The following ARRB1 variants were observed in gnomAD, a reference collection of about 807,000 sequenced individuals.
ARRB1 encodes the protein beta-arrestin-1.
A neutral mutation model predicts 56.8 loss-of-function variants in ARRB1; 21 were observed. The observed-to-expected ratio is 0.37, with a 90% confidence interval of 0.26 to 0.53. ARRB1 has a LOEUF of 0.53. Ranked by LOEUF, ARRB1 falls within the 20% of genes least tolerant of loss-of-function variation. The pLI is 0.88. For synonymous variants in ARRB1, 210 were observed against 218.6 expected, an observed-to-expected ratio of 0.96 and a Z score of 0.35; for missense variants, 424 against 553.7, an observed-to-expected ratio of 0.77 and a Z score of 2.35.
At chr11:75,280,700 G>A (rs891402289) in intron 7 of ARRB1, among the ~76,000 whole-genome samples, 1 of 152,256 alleles carries the variant, frequency 6.6e-6, no homozygotes, top group African/African-American at 2.4e-5. Context: ...CCTCCCAGGA[G>A]GAAAACTGGA....
chr11:75,316,759 AT>A (rs908134368), intron 1 of ARRB1, among the ~76,000 whole-genome samples: 10 of 151,708 alleles, frequency 6.6e-5, no homozygotes, highest in South Asian at 2.1e-4. Flanking sequence ...CTTTAAAAAA[AT>A]TTTTTTTTAA....
chr11:75,310,013 T>C (rs1051735318), intron 1 of ARRB1, among the ~76,000 whole-genome samples: 4 of 152,164 alleles, frequency 2.6e-5, no homozygotes, highest in Admixed American at 1.3e-4. Context: ...GGAACGGTGC[T>C]GGCCCTCTTA....
rs77631747 is a variant in ARRB1, at chr11:75,321,835, C to T, written c.20+29753G>A. Among the ~76,000 whole-genome samples, 9 of 152,298 alleles carry T rather than the reference C, an allele frequency of 5.9e-5. No homozygotes were observed. The East Asian group carries it at 1.5e-3, about 26-fold the overall frequency. On this transcript the variant is annotated intron_variant, in intron 1 of 15. Transcript: ENST00000420843. ...TTGTGTGTCAGATGCTGTTGGCCAT[C>T]AGACATATGGTGAATAGGGCAGATT...
At chr11:75,274,791 C>CAA (rs1158322521) in intron 10 of ARRB1, 15 of 61,034 alleles carry the variant, frequency 2.5e-4, no homozygotes, top group Non-Finnish European at 3.6e-4. Context: ...GACTCCATCT[C>CAA]AAAAAAAAAA....
chr11:75,312,329 A>G (rs2140484457), intron 1 of ARRB1, among the ~76,000 whole-genome samples: 2 of 152,310 alleles, frequency 1.3e-5, no homozygotes, highest in South Asian at 4.1e-4. Context: ...TGACCGCCGA[A>G]GGGACAGTCT....
intron 1 of ARRB1, among the ~76,000 whole-genome samples, chr11:75,295,221 C>CAA (rs34666904): frequency 0.011 from 793 of 72,816 alleles, 13 homozygotes; most frequent in African/African-American, 0.034. Context: ...AACCCTGTCT[C>CAA]AAAAAAAAAA....
chr11:75,332,887 T>C (rs984452429), intron 1 of ARRB1, among the ~76,000 whole-genome samples: 2 of 151,258 alleles, frequency 1.3e-5, no homozygotes, highest in African/African-American at 4.9e-5. Flanking sequence ...AGAGTGAGAC[T>C]CCATCTCAAA....
At chr11:75,271,622 T>G in intron 13 of ARRB1, 79 bp downstream of exon 13, 1 of 1,443,010 alleles carries the variant, frequency 6.9e-7, no homozygotes, top group Non-Finnish European at 9.4e-7. Flanking sequence ...CCCAGTGCCC[T>G]GTGATTCTGG....
chr11:75,274,233 G>A (rs758784238), intron 10 of ARRB1, 22 bp from the exon 11 acceptor site: 4 of 1,613,068 alleles, frequency 2.5e-6, no homozygotes, highest in Non-Finnish European at 3.4e-6. Context: ...GGAAGCAGCT[G>A]TGGAGATGGC....
At chr11:75,306,684 G>T in intron 1 of ARRB1, 1 of 1,279,154 alleles carries the variant, frequency 7.8e-7, no homozygotes, top group Non-Finnish European at 1.0e-6. Flanking sequence ...CCAGGCCAGG[G>T]CCAGCCCCGC....
chr11:75,323,389 C>T (rs748382087), intron 1 of ARRB1, among the ~76,000 whole-genome samples: 20 of 152,136 alleles, frequency 1.3e-4, no homozygotes, highest in Non-Finnish European at 2.5e-4. Context: ...GAGGCCGAGG[C>T]GGGTGGATCA....
intron 1 of ARRB1, among the ~76,000 whole-genome samples, chr11:75,331,915 G>A (rs1325755252): frequency 1.3e-5 from 2 of 151,982 alleles, no homozygotes; most frequent in African/African-American, 4.8e-5. Flanking sequence ...CGGATGGCCT[G>A]AGGCAACTGA....
chr11:75,266,895 C>G (rs1945932658), intron 15 of ARRB1, among the ~76,000 whole-genome samples: 1 of 152,158 alleles, frequency 6.6e-6, no homozygotes, highest in Non-Finnish European at 1.5e-5. Context: ...GGCAGAGGAC[C>G]TGTTCGTGAG....
chr11:75,288,529 GACC>G (rs1246905966), intron 2 of ARRB1, among the ~76,000 whole-genome samples: 1 of 151,980 alleles, frequency 6.6e-6, no homozygotes, highest in Non-Finnish European at 1.5e-5. Context: ...CTCCTGCCTA[GACC>G]ACCACACCAG....
At chr11:75,324,891 C>G (rs573791807) in intron 1 of ARRB1, among the ~76,000 whole-genome samples, 81 of 152,224 alleles carry the variant, frequency 5.3e-4, no homozygotes, top group African/African-American at 1.9e-3. Context: ...CACCCCTGTC[C>G]CTGGGAGAAA....
intron 1 of ARRB1, among the ~76,000 whole-genome samples, chr11:75,298,938 T>C (rs1946829293): frequency 6.6e-6 from 1 of 151,862 alleles, no homozygotes; most frequent in Non-Finnish European, 1.5e-5. Flanking sequence ...GTTAATTATG[T>C]TAATTTAACA....
chr11:75,338,162 G>A (rs976245859), intron 1 of ARRB1, among the ~76,000 whole-genome samples: 1 of 152,166 alleles, frequency 6.6e-6, no homozygotes, highest in Non-Finnish European at 1.5e-5. Flanking sequence ...AGGGCCTCCA[G>A]TGCCACCTAG....
At chr11:75,292,450 T>C (rs1265431073) in intron 1 of ARRB1, among the ~76,000 whole-genome samples, 1 of 152,202 alleles carries the variant, frequency 6.6e-6, no homozygotes, top group Non-Finnish European at 1.5e-5. Context: ...TTCCTTCTCA[T>C]AAATATTTAT....
chr11:75,284,348 C>A, intron 3 of ARRB1, 69 bp from the exon 4 acceptor site: 1 of 1,450,944 alleles, frequency 6.9e-7, no homozygotes. Context: ...CCCCAAACAC[C>A]AGCCCAAGCC....
Sources: gnomAD v4.1 joint callset for allele counts (sites outside exome capture counted in the v4.1 genomes callset) on GRCh38, gnomAD v4.1.1 for gene constraint, MANE v1.5 for transcripts, NCBI Gene and HGNC (gene_info 2026-07-23, HGNC 2026-07-21) for gene names.